Variants in GRID2 observed in about 807,000 individuals in gnomAD.
GRID2 encodes the protein glutamate ionotropic receptor delta type subunit 2, also known as glutamate receptor ionotropic, delta-2.
A neutral mutation model predicts 114.8 loss-of-function variants in GRID2; 33 were observed. The ratio of observed to expected loss-of-function variants is 0.29; its 90% confidence interval spans 0.22 to 0.38. GRID2 has a LOEUF of 0.38. GRID2 is among the 10% of genes least tolerant of loss of function. GRID2 has a pLI of 1.00. For missense variants in GRID2, 1,184 were observed against 1,257.7 expected, an observed-to-expected ratio of 0.94 and a Z score of 0.89; for synonymous variants, 505 against 449.9, an observed-to-expected ratio of 1.12 and a Z score of -1.55.
At chr4:92,383,730 C>G (rs1371040417) in intron 1 of GRID2, among the ~76,000 whole-genome samples, 1 of 151,878 alleles carries the variant, frequency 6.6e-6, no homozygotes, top group Non-Finnish European at 1.5e-5. Context: ...GCTGGATTTA[C>G]TACCTGAATT....
At chr4:92,740,658 T>A (rs1240276014) in intron 2 of GRID2, among the ~76,000 whole-genome samples, 3 of 151,860 alleles carry the variant, frequency 2.0e-5, no homozygotes, top group Admixed American at 6.6e-5. Context: ...TGGTAGCACA[T>A]CATGTTTATT....
In GRID2 at chr4:92,498,451, C is replaced by A. The variant is rs112753027; in HGVS notation, c.89-91680C>A. On this transcript the variant is annotated intron_variant, in intron 1 of 15. Transcript: ENST00000282020. ...ATTAAAGGCATTTATATTTAAATAACAAAGCTAAAAACTGATTATGCAAAA... is the reference window on the plus strand; with the variant it reads ...ATTAAAGGCATTTATATTTAAATAAAAAAGCTAAAAACTGATTATGCAAAA... Among the ~76,000 whole-genome samples, 4 of 151,718 alleles carry A rather than the reference C, an allele frequency of 2.6e-5. No homozygotes were observed. The South Asian group carries it at 6.2e-4, about 24-fold the overall frequency.
At chr4:93,361,137 T>C (rs1035372076) in intron 8 of GRID2, among the ~76,000 whole-genome samples, 2 of 152,110 alleles carry the variant, frequency 1.3e-5, no homozygotes, top group East Asian at 3.8e-4. Flanking sequence ...TTTTTTTACA[T>C]GCAATAATTC....
chr4:92,900,871 C>G (rs996647614), intron 2 of GRID2, among the ~76,000 whole-genome samples: 2 of 146,164 alleles, frequency 1.4e-5, no homozygotes, highest in African/African-American at 5.1e-5. Context: ...TAATGCCTTA[C>G]AGTTTCATCC....
intron 4 of GRID2, among the ~76,000 whole-genome samples, chr4:93,143,705 A>G (rs1279214989): frequency 6.6e-6 from 1 of 152,210 alleles, no homozygotes; most frequent in East Asian, 1.9e-4. Context: ...TCATTTATTT[A>G]AGACTTGAAA....
At chr4:92,684,395 ATTAC>A (rs1733802185) in intron 2 of GRID2, among the ~76,000 whole-genome samples, 2 of 151,974 alleles carry the variant, frequency 1.3e-5, no homozygotes, top group Non-Finnish European at 2.9e-5. Context: ...GTGTAATTTT[ATTAC>A]TTCAATATAC....
chr4:93,554,267 T>G (rs2149549396), intron 13 of GRID2, among the ~76,000 whole-genome samples: 1 of 152,304 alleles, frequency 6.6e-6, no homozygotes, highest in Middle Eastern at 3.4e-3. Context: ...CTTTGTTCTC[T>G]TGACTGCAAA....
intron 2 of GRID2, among the ~76,000 whole-genome samples, chr4:92,706,246 A>T (rs1056945739): frequency 6.6e-6 from 1 of 152,184 alleles, no homozygotes; most frequent in Non-Finnish European, 1.5e-5. Flanking sequence ...TCAAGATGAG[A>T]TTTCTTATTG....
At chr4:93,189,648 C>T (rs1384064169) in intron 4 of GRID2, among the ~76,000 whole-genome samples, 1 of 151,802 alleles carries the variant, frequency 6.6e-6, no homozygotes, top group South Asian at 2.1e-4. Context: ...AGCACCATAC[C>T]GAAGTATCCA....
At chr4:93,653,389 A>G (rs1365275843) in intron 14 of GRID2, among the ~76,000 whole-genome samples, 1 of 152,178 alleles carries the variant, frequency 6.6e-6, no homozygotes, top group Non-Finnish European at 1.5e-5. Flanking sequence ...AGTGTATCTC[A>G]GGCTTTTACT....
intron 2 of GRID2, among the ~76,000 whole-genome samples, chr4:92,935,309 G>A (rs1312332555): frequency 6.8e-6 from 1 of 147,370 alleles, no homozygotes; most frequent in Non-Finnish European, 1.5e-5. Context: ...GGCCATCAGA[G>A]AAATGCAAAT....
chr4:93,455,585 TCGAG>T, intron 10 of GRID2, 73 bp from the exon 11 acceptor site: 1 of 944,542 alleles, frequency 1.1e-6, no homozygotes, highest in Non-Finnish European at 1.7e-6. Flanking sequence ...TTTTTTTTCC[TCGAG>T]GCAAGCTGAA....
intron 2 of GRID2, among the ~76,000 whole-genome samples, chr4:92,848,153 C>T (rs1476024542): frequency 1.3e-5 from 2 of 151,242 alleles, no homozygotes; most frequent in Admixed American, 6.6e-5. Context: ...ACAAACAGCT[C>T]GAAATCAGTC....
intron 4 of GRID2, among the ~76,000 whole-genome samples, chr4:93,179,701 G>A (rs575223629): frequency 6.6e-6 from 1 of 152,194 alleles, no homozygotes; most frequent in South Asian, 2.1e-4. Context: ...TAACAGACTA[G>A]GAATTTGAAG....
chr4:92,929,438 G>GT (rs1306693878), intron 2 of GRID2, among the ~76,000 whole-genome samples: 2 of 151,150 alleles, frequency 1.3e-5, no homozygotes, highest in Non-Finnish European at 3.0e-5. Context: ...TATAACAAGT[G>GT]TAAGTAATTT....
intron 4 of GRID2, among the ~76,000 whole-genome samples, chr4:93,172,462 C>T (rs542793558): frequency 9.2e-5 from 14 of 151,842 alleles, no homozygotes; most frequent in Non-Finnish European, 1.8e-4. Flanking sequence ...CATGGTGGCA[C>T]GTGCCTTTAA....
chr4:93,477,748 A>G (rs931627645), intron 11 of GRID2, among the ~76,000 whole-genome samples: 1 of 152,186 alleles, frequency 6.6e-6, no homozygotes, highest in South Asian at 2.1e-4. Context: ...TCATACTATG[A>G]TCAGACTGTC....
intron 8 of GRID2, among the ~76,000 whole-genome samples, chr4:93,343,134 T>C (rs1366947028): frequency 7.6e-6 from 1 of 130,796 alleles, no homozygotes; most frequent in Non-Finnish European, 1.6e-5. Flanking sequence ...CTCCCAAGTG[T>C]GAGGTGACTG....
chr4:93,622,247 C>T (rs990601496), intron 13 of GRID2, among the ~76,000 whole-genome samples: 2 of 152,128 alleles, frequency 1.3e-5, no homozygotes, highest in Non-Finnish European at 2.9e-5. Context: ...TCAATGCAGA[C>T]GAAACCTAAC....
Sources: allele counts gnomAD v4.1 joint callset (sites outside exome capture counted in the v4.1 genomes callset), GRCh38; gene constraint gnomAD v4.1.1; transcripts MANE v1.5; gene names NCBI Gene and HGNC (gene_info 2026-07-23, HGNC 2026-07-21).